GALNT18: variants seen among roughly 807,000 people sequenced by gnomAD.
The protein encoded by GALNT18 is GalNAc-transferase 18.
Under a neutral mutation model 69.5 loss-of-function variants are expected in GALNT18, and 44 were observed. The observed-to-expected ratio is 0.63, with a 90% confidence interval of 0.50 to 0.81. GALNT18 has a LOEUF of 0.81. GALNT18 is among the 40% of genes least tolerant of loss of function. The pLI is 0.00. For synonymous variants in GALNT18, 364 were observed against 318.2 expected (o/e 1.14, Z -1.53); for missense variants, 715 against 810.0 (o/e 0.88, Z 1.42).
chr11:11,536,091 A>G (rs994937808), intron 1 of GALNT18, among the ~76,000 whole-genome samples: 1 of 152,198 alleles, frequency 6.6e-6, no homozygotes, highest in Admixed American at 6.5e-5. Flanking sequence ...CTCTCCAGCT[A>G]TTCCTGACTA....
At chr11:11,324,207 T>G (rs917326127) in intron 9 of GALNT18, among the ~76,000 whole-genome samples, 2 of 152,248 alleles carry the variant, frequency 1.3e-5, no homozygotes, top group South Asian at 2.1e-4. Flanking sequence ...AGGCCTGTGA[T>G]ATTTTGTTTT....
chr11:11,401,879 T>C (rs144132245), intron 3 of GALNT18, among the ~76,000 whole-genome samples: 6 of 152,302 alleles, frequency 3.9e-5, no homozygotes, highest in African/African-American at 7.2e-5. Flanking sequence ...AGTGCTACCA[T>C]AGAGGTGTGT....
At chr11:11,599,055 A>G (rs1462202700) in intron 1 of GALNT18, among the ~76,000 whole-genome samples, 1 of 152,128 alleles carries the variant, frequency 6.6e-6, no homozygotes, top group African/African-American at 2.4e-5. Flanking sequence ...CTTGAAAAAA[A>G]TGTGTATTCT....
At chr11:11,558,596 C>T (rs1858389838) in intron 1 of GALNT18, among the ~76,000 whole-genome samples, 1 of 152,236 alleles carries the variant, frequency 6.6e-6, no homozygotes, top group African/African-American at 2.4e-5. Flanking sequence ...TCTTTAGAAG[C>T]ATCAGGGATG....
In GALNT18 at chr11:11,603,272, T is replaced by C. The variant is rs80003900; in HGVS notation, c.235+18087A>G. ...ACCGTCCTCCAAGGCTGTAAACAGA[T>C]TGTTTTGCTCCAACACTGGCTCAGT... On this transcript the variant is annotated intron_variant, in intron 1 of 10. Coordinates refer to ENST00000227756, the MANE Select transcript of GALNT18 (RefSeq NM_198516.3). This position sits in a 1 kb window ranked among gnomAD's most constrained non-coding sequence, Gnocchi z 4.5. Among the ~76,000 whole-genome samples the C allele has an allele frequency of 0.013, 1,953 of 152,252 alleles. 52 individuals are homozygous for C. Among genetic ancestry groups the C allele is most frequent in the African/African-American group, 0.045 (1,871 of 41,548 alleles).
intron 10 of GALNT18, among the ~76,000 whole-genome samples, chr11:11,282,003 G>A (rs1473484277): frequency 2.0e-5 from 3 of 152,086 alleles, no homozygotes; most frequent in Non-Finnish European, 4.4e-5. Flanking sequence ...GAACACATCT[G>A]GGATATGGAC....
At chr11:11,577,049 A>T (rs61870378) in intron 1 of GALNT18, among the ~76,000 whole-genome samples, 42,316 of 152,110 alleles carry the variant, frequency 0.28, 6,307 homozygotes, top group South Asian at 0.34. Flanking sequence ...ATGCAGGCTC[A>T]CGTATCTGCA....
chr11:11,348,100 G>A (rs1037671161), intron 6 of GALNT18, among the ~76,000 whole-genome samples: 1 of 152,114 alleles, frequency 6.6e-6, no homozygotes, highest in East Asian at 1.9e-4. Context: ...AGAGAGGGCC[G>A]GGCATGGTGG....
chr11:11,557,688 A>G (rs756256144), intron 1 of GALNT18, among the ~76,000 whole-genome samples: 1 of 152,160 alleles, frequency 6.6e-6, no homozygotes, highest in Non-Finnish European at 1.5e-5. Context: ...CATCCCTACT[A>G]TATGGAAGGG....
chr11:11,517,364 T>C (rs1349417540), intron 1 of GALNT18, among the ~76,000 whole-genome samples: 1 of 152,252 alleles, frequency 6.6e-6, no homozygotes, highest in African/African-American at 2.4e-5. Context: ...ACTGGGATTC[T>C]GAATCCTGTT....
rs1853961741 is a variant in GALNT18 at position 11,383,124 on chromosome 11, G to T, written c.596-3860C>A. ...CAGTGATGAAACACCACTCACTCCT[G>T]GGAGGTCACAGGCCACTCTCCACAT... is the stretch of plus-strand genomic sequence containing the variant. On this transcript the variant is annotated intron_variant, in intron 3 of 10. Transcript: ENST00000227756. The surrounding 1 kb of genome is among the most constrained non-coding windows in gnomAD (Gnocchi z 5.2). Among the ~76,000 whole-genome samples the T allele has an allele frequency of 6.6e-6, 1 of 152,142 alleles. No homozygotes were observed. The highest frequency in any genetic ancestry group is 1.5e-5 in the Non-Finnish European group (1 of 68,022).
intron 1 of GALNT18, among the ~76,000 whole-genome samples, chr11:11,484,767 G>A (rs1410527962): frequency 6.6e-6 from 1 of 152,076 alleles, no homozygotes; most frequent in Non-Finnish European, 1.5e-5. Context: ...GTTATGGGGG[G>A]ACCTTAGCAG....
intron 3 of GALNT18, among the ~76,000 whole-genome samples, chr11:11,408,419 A>G (rs1854644974): frequency 6.6e-6 from 1 of 151,398 alleles, no homozygotes; most frequent in Non-Finnish European, 1.5e-5. Context: ...GCCTAGGGGA[A>G]TGTTCCTCTC....
Position 11,537,609 on chromosome 11 carries a change from A to C in GALNT18, c.235+83750T>G, listed in dbSNP as rs183989784. On this transcript the variant is annotated intron_variant, in intron 1 of 10. Transcript: ENST00000227756. Reference sequence around the variant, plus strand: ...CCCAGCCATGGAGAAAGTCATCCCTAAGCTGACTGGGTCTGGAGGAAGCAG... The same window carrying C: ...CCCAGCCATGGAGAAAGTCATCCCTCAGCTGACTGGGTCTGGAGGAAGCAG... Among the ~76,000 whole-genome samples, 294 of 152,282 alleles carry C rather than the reference A, an allele frequency of 1.9e-3. 3 individuals are homozygous for C. The highest frequency in any genetic ancestry group is 6.7e-3 in the African/African-American group (278 of 41,546).
intron 1 of GALNT18, among the ~76,000 whole-genome samples, chr11:11,597,380 T>C (rs1442065042): frequency 6.6e-6 from 1 of 152,208 alleles, no homozygotes. Flanking sequence ...ATTCCTTAAA[T>C]GTTTAGTAGA....
At chr11:11,349,350 C>T (rs1408707345) in intron 6 of GALNT18, among the ~76,000 whole-genome samples, 2 of 152,116 alleles carry the variant, frequency 1.3e-5, no homozygotes, top group Non-Finnish European at 2.9e-5. Context: ...TACACATGTT[C>T]AACTTTCCTA....
chr11:11,561,296 G>A (rs1327466855), intron 1 of GALNT18, among the ~76,000 whole-genome samples: 1 of 152,098 alleles, frequency 6.6e-6, no homozygotes, highest in African/African-American at 2.4e-5. Context: ...CACTCGCAAC[G>A]CCACCCAGGC....
intron 5 of GALNT18, among the ~76,000 whole-genome samples, chr11:11,373,629 T>C (rs917382985): frequency 2.0e-5 from 3 of 152,258 alleles, no homozygotes; most frequent in African/African-American, 7.2e-5. Context: ...TGGAACAACC[T>C]GCCAACAGCT....
intron 10 of GALNT18, among the ~76,000 whole-genome samples, chr11:11,271,614 C>CTTG (rs371477041): frequency 2.0e-5 from 3 of 152,276 alleles, no homozygotes; most frequent in Admixed American, 2.0e-4. Context: ...GGGGCTGGGT[C>CTTG]CTTTCTCTGA....
Sources: gnomAD v4.1 joint callset for allele counts (sites outside exome capture counted in the v4.1 genomes callset) on GRCh38, gnomAD v4.1.1 for gene constraint, Gnocchi (gnomAD v3.1) non-coding constraint, MANE v1.5 for transcripts, NCBI Gene and HGNC (gene_info 2026-07-23, HGNC 2026-07-21) for gene names.